The following C12orf42 variants were observed in gnomAD, a reference collection of about 807,000 sequenced individuals.
C12orf42 encodes uncharacterized protein C12orf42.
Under a neutral mutation model 21.6 loss-of-function variants are expected in C12orf42, and 25 were observed. The ratio of observed to expected loss-of-function variants is 1.16; its 90% CI spans 0.84 to 1.62. The LOEUF (loss-of-function observed/expected upper bound fraction) is 1.62, where lower values mean the gene tolerates loss of function less well. C12orf42 is among the 40% of genes most tolerant of loss of function. The probability of loss-of-function intolerance (pLI) is 0.00; values close to 1 mark genes in which losing one functional copy is unlikely to be tolerated. For synonymous variants in C12orf42, 174 were observed against 175.0 expected, an observed-to-expected ratio of 0.99 and a Z score of 0.05; for missense variants, 483 against 459.3, an observed-to-expected ratio of 1.05 and a Z score of -0.47.
the C12orf42 span, among the ~76,000 whole-genome samples, chr12:103,510,396 T>C: frequency 2.0e-5 from 3 of 152,072 alleles, no homozygotes; most frequent in Admixed American, 6.6e-5. Context: ...AGACTACAAA[T>C]TGGGTTCAGT....
the C12orf42 span, among the ~76,000 whole-genome samples, chr12:103,107,259 A>G: frequency 6.6e-6 from 1 of 152,002 alleles, no homozygotes; most frequent in Non-Finnish European, 1.5e-5. Context: ...AAAACAAAAT[A>G]AAAACGATTA....
At chr12:103,106,629 A>G in the C12orf42 span, among the ~76,000 whole-genome samples, 1 of 151,900 alleles carries the variant, frequency 6.6e-6, no homozygotes, top group Non-Finnish European at 1.5e-5. Flanking sequence ...TACCCAGTAA[A>G]AGTATGAAAA....
At chr12:103,321,882 G>A (rs2040167765) in intron 4 of C12orf42, among the ~76,000 whole-genome samples, 1 of 151,928 alleles carries the variant, frequency 6.6e-6, no homozygotes, top group Non-Finnish European at 1.5e-5. Context: ...GGGGAAGGGG[G>A]GAGGGATAGC....
At chr12:103,318,328 C>T (rs2039735614) in intron 4 of C12orf42, among the ~76,000 whole-genome samples, 1 of 152,034 alleles carries the variant, frequency 6.6e-6, no homozygotes, top group African/African-American at 2.4e-5. Context: ...CTGTGAACAC[C>T]CTTGTATATG....
the C12orf42 span, among the ~76,000 whole-genome samples, chr12:103,167,806 G>A: frequency 3.3e-5 from 5 of 151,762 alleles, no homozygotes; most frequent in Non-Finnish European, 7.4e-5. Flanking sequence ...AAAAAAAAAT[G>A]CGCTTTAAAT....
chr12:103,299,180 T>TA (rs1246474497), downstream of C12orf42, among the ~76,000 whole-genome samples: 3 of 151,998 alleles, frequency 2.0e-5, no homozygotes, highest in Non-Finnish European at 4.4e-5. Context: ...ATACAGTTTT[T>TA]AAAAAAATAT....
At chr12:103,073,303 C>A in the C12orf42 span, among the ~76,000 whole-genome samples, 130 of 152,150 alleles carry the variant, frequency 8.5e-4, 1 homozygote, top group Middle Eastern at 6.8e-3. Context: ...TGTAACAAAC[C>A]TGCATGTGTA....
chr12:103,114,652 A>C, the C12orf42 span, among the ~76,000 whole-genome samples: 1 of 152,224 alleles, frequency 6.6e-6, no homozygotes. Context: ...TTGCATGAGA[A>C]TGCAAGGAGA....
At chr12:103,158,360 C>G in the C12orf42 span, among the ~76,000 whole-genome samples, 2 of 152,254 alleles carry the variant, frequency 1.3e-5, no homozygotes, top group South Asian at 4.2e-4. Context: ...TGAAATATAC[C>G]ACGAAGATAG....
the C12orf42 span, among the ~76,000 whole-genome samples, chr12:103,537,533 C>A: frequency 3.9e-5 from 6 of 152,144 alleles, no homozygotes; most frequent in Admixed American, 3.3e-4. Context: ...TCAAACACAA[C>A]CATAATCTTT....
chr12:103,327,214 G>A (rs1464776686), intron 4 of C12orf42, among the ~76,000 whole-genome samples: 13 of 152,096 alleles, frequency 8.5e-5, no homozygotes, highest in Admixed American at 8.5e-4. Flanking sequence ...CTAAAGAAGT[G>A]GTTTTCAAGC....
intron 4 of C12orf42, among the ~76,000 whole-genome samples, chr12:103,330,297 G>C (rs562719456): frequency 6.6e-6 from 1 of 152,178 alleles, no homozygotes; most frequent in African/African-American, 2.4e-5. Flanking sequence ...TTTAGAGACT[G>C]TATCTGTGTT....
At chr12:103,319,527 A>G (rs1378492020) in intron 4 of C12orf42, among the ~76,000 whole-genome samples, 1 of 152,262 alleles carries the variant, frequency 6.6e-6, no homozygotes, top group Non-Finnish European at 1.5e-5. Flanking sequence ...GTGAAACAGC[A>G]AAAGAACTCG....
intron 4 of C12orf42, among the ~76,000 whole-genome samples, chr12:103,351,469 A>G (rs539258686): frequency 6.6e-6 from 1 of 152,194 alleles, no homozygotes. Flanking sequence ...ACTCCTTTAT[A>G]TTTAATTTGG....
the C12orf42 span, chr12:103,547,810 A>T: frequency 6.6e-6 from 1 of 152,226 alleles, no homozygotes; most frequent in Non-Finnish European, 1.5e-5. Flanking sequence ...CTAACAGCGA[A>T]TCCAAGACTG....
the C12orf42 span, among the ~76,000 whole-genome samples, chr12:103,222,517 G>A: frequency 3.9e-5 from 6 of 152,152 alleles, no homozygotes; most frequent in Non-Finnish European, 8.8e-5. Context: ...GGGCATACAC[G>A]TGCAAGTCAC....
At chr12:103,493,320 C>T (rs1382058952) in intron 1 of C12orf42, among the ~76,000 whole-genome samples, 8 of 152,140 alleles carry the variant, frequency 5.3e-5, no homozygotes, top group African/African-American at 1.9e-4. Flanking sequence ...GTTTCAGCCA[C>T]ATCAGCGTTG....
At chr12:103,330,323 T>C (rs997331880) in intron 4 of C12orf42, among the ~76,000 whole-genome samples, 4 of 152,202 alleles carry the variant, frequency 2.6e-5, no homozygotes, top group African/African-American at 9.6e-5. Context: ...CCACTAATAA[T>C]TGTCATATTG....
chr12:103,507,193 ATATATT>A, the C12orf42 span, among the ~76,000 whole-genome samples: 1 of 37,386 alleles, frequency 2.7e-5, no homozygotes, highest in Non-Finnish European at 3.9e-5. Context: ...TATAATATAT[ATATATT>A]TATATTATAT....
Sources: gnomAD v4.1 joint callset for allele counts (sites outside exome capture counted in the v4.1 genomes callset) on GRCh38, gnomAD v4.1.1 for gene constraint, MANE v1.5 for transcripts, NCBI Gene and HGNC (gene_info 2026-07-23, HGNC 2026-07-21) for gene names.